The following KALRN variants were observed in gnomAD, a reference collection of about 807,000 sequenced individuals.
The protein encoded by KALRN is kalirin.
A neutral mutation model predicts 353.7 loss-of-function variants in KALRN; 70 were observed. That is an observed-to-expected ratio of 0.20 (90% CI 0.16 to 0.24). The LOEUF (loss-of-function observed/expected upper bound fraction) is 0.24, where lower values mean the gene tolerates loss of function less well. Ranked by LOEUF, KALRN falls within the 10% of genes least tolerant of loss-of-function variation. The probability of loss-of-function intolerance (pLI) is 1.00; values close to 1 mark genes in which losing one functional copy is unlikely to be tolerated. For missense variants in KALRN, 2,791 were observed against 3,756.7 expected (o/e 0.74, Z 6.72); for synonymous variants, 1,391 against 1,434.8 (o/e 0.97, Z 0.69).
In KALRN at chr3:124,469,120, T is replaced by C. The variant is rs1399595488; in HGVS notation, c.4032-5543T>C. ...TTTTATTTTAACATTAAACTTGGTA[T>C]ATATCTATGCAAATAACTTTATTCA... On this transcript the variant is annotated intron_variant, in intron 25 of 59. Coordinates refer to ENST00000682506, the MANE Select transcript of KALRN (RefSeq NM_001388419.1). 2.6e-5 allele frequency among the ~76,000 whole-genome samples: 4 copies of C among 152,250 alleles called. No homozygotes were observed. The South Asian group carries it at 6.2e-4, about 24-fold the overall frequency.
intron 1 of KALRN, among the ~76,000 whole-genome samples, chr3:124,227,607 C>A (rs115369107): frequency 2.6e-3 from 380 of 145,208 alleles, no homozygotes; most frequent in African/African-American, 9.4e-3. Flanking sequence ...ACTAGAGGTA[C>A]GAACATGATT....
rs2073820755 is a variant in KALRN at position 124,268,480 on chromosome 3, G to A, written c.457-263G>A. Reference sequence around the variant, plus strand: ...AGGAGGAGGGAAAATGAGGAGAGGAGGGACACAAAAGCAGTTCTTCTGGGG... The same window carrying A: ...AGGAGGAGGGAAAATGAGGAGAGGAAGGACACAAAAGCAGTTCTTCTGGGG... On this transcript the variant is annotated intron_variant, in intron 4 of 59. Coordinates refer to ENST00000682506, the MANE Select transcript of KALRN (RefSeq NM_001388419.1). 4 of 480,490 alleles carry A rather than the reference G, an allele frequency of 8.3e-6. No homozygotes were observed. In the East Asian group the frequency reaches 1.1e-4, roughly 13 times the overall value. 29.8% of individuals were successfully genotyped at this position (480,490 alleles called of 1,614,324 possible).
chr3:124,666,588 G>GGAA lies in KALRN; in HGVS notation c.6487_6489dup (p.Lys2163dup), dbSNP rs753807490. ...ATTGTCATCTTCAGTGAACTGCTCA[G>GGAA]GAAGGGATCCCTCACCCCTGGCTAC... On this transcript the variant is annotated inframe_insertion, in exon 46 of 60. Coordinates refer to ENST00000682506, the MANE Select transcript of KALRN (RefSeq NM_001388419.1). 6.2e-7 allele frequency: 1 copy of GGAA among 1,613,994 alleles called. No homozygotes were observed. Among genetic ancestry groups the GGAA allele is most frequent in the Non-Finnish European group, 8.5e-7 (1 of 1,179,988 alleles).
intron 48 of KALRN, 119 bp downstream of exon 48, chr3:124,672,017 C>T: frequency 1.3e-6 from 1 of 767,932 alleles, no homozygotes; most frequent in Admixed American, 2.2e-5. Flanking sequence ...GGCACCATCT[C>T]AGCTCACTGC....
At chr3:124,584,923 G>A (rs974957659) in intron 34 of KALRN, 1 of 1,587,528 alleles carries the variant, frequency 6.3e-7, no homozygotes, top group Admixed American at 1.8e-5. Context: ...GGCTGTCGGC[G>A]GCCTTGGTGC....
At chr3:124,528,503 A>G (rs548355194) in intron 33 of KALRN, among the ~76,000 whole-genome samples, 1 of 152,244 alleles carries the variant, frequency 6.6e-6, no homozygotes, top group Admixed American at 6.5e-5. Context: ...CTCGAGAGTT[A>G]AGGAGAACCT....
intron 3 of KALRN, among the ~76,000 whole-genome samples, chr3:124,247,227 A>G (rs2070417282): frequency 6.6e-6 from 1 of 152,126 alleles, no homozygotes; most frequent in Admixed American, 6.6e-5. Flanking sequence ...GAAGACATAG[A>G]TGGGTTTTGT....
intron 37 of KALRN, among the ~76,000 whole-genome samples, chr3:124,639,339 A>G (rs2081746198): frequency 6.6e-6 from 1 of 152,180 alleles, no homozygotes; most frequent in Non-Finnish European, 1.5e-5. Flanking sequence ...GACAGCTCTT[A>G]AGCAGCTCTG....
chr3:124,580,705 A>G (rs1306875464), intron 34 of KALRN, among the ~76,000 whole-genome samples: 1 of 152,188 alleles, frequency 6.6e-6, no homozygotes, highest in Non-Finnish European at 1.5e-5. Context: ...TTGTTCACCA[A>G]TGTAGACCCA....
chr3:124,337,419 G>A (rs889819002), intron 9 of KALRN, among the ~76,000 whole-genome samples: 1 of 152,172 alleles, frequency 6.6e-6, no homozygotes, highest in Non-Finnish European at 1.5e-5. Context: ...TTTTGTCATT[G>A]ATTCTGTTTA....
At chr3:124,701,255 G>C (rs2173852) in intron 56 of KALRN, among the ~76,000 whole-genome samples, 26,807 of 152,218 alleles carry the variant, frequency 0.18, 2,649 homozygotes, top group Middle Eastern at 0.28. Flanking sequence ...CATCACACAA[G>C]GTAATACTGC....
intron 59 of KALRN, 145 bp downstream of exon 59, chr3:124,717,530 CA>C: frequency 2.1e-6 from 1 of 476,000 alleles, no homozygotes; most frequent in Non-Finnish European, 3.6e-6. Context: ...ACTAAAAATA[CA>C]AAAAATACAA....
chr3:124,566,938 A>G (rs2072915325), intron 34 of KALRN, among the ~76,000 whole-genome samples: 1 of 152,196 alleles, frequency 6.6e-6, no homozygotes, highest in Non-Finnish European at 1.5e-5. Flanking sequence ...GCACTCTTGC[A>G]GGCTGTGTGA....
intron 11 of KALRN, among the ~76,000 whole-genome samples, chr3:124,392,856 A>G (rs940938294): frequency 1.8e-4 from 27 of 151,802 alleles, no homozygotes; most frequent in Non-Finnish European, 2.5e-4. Flanking sequence ...TTACATATGT[A>G]TACATGTGCC....
rs568097074 is a variant in KALRN at position 124,249,274 on chromosome 3, AG to A, written c.263+14333del. On this transcript the variant is annotated intron_variant, in intron 3 of 59. Coordinates refer to ENST00000682506, the MANE Select transcript of KALRN (RefSeq NM_001388419.1). ...CTTCAGGAGGTTTGTGGTCTGGTTAAGGTTTCAGAATCCACAGGAGAAGACA... is the reference window on the plus strand; with the variant it reads ...CTTCAGGAGGTTTGTGGTCTGGTTAAGTTTCAGAATCCACAGGAGAAGACA... 2.4e-4 allele frequency among the ~76,000 whole-genome samples: 36 copies of A among 152,310 alleles called. No individual in the cohort carries two copies. In the South Asian group the frequency reaches 7.5e-3, roughly 32 times the overall value.
intron 1 of KALRN, among the ~76,000 whole-genome samples, chr3:124,111,735 TA>T (rs1355014922): frequency 6.6e-6 from 1 of 152,312 alleles, no homozygotes; most frequent in African/African-American, 2.4e-5. Context: ...ACACACTTTG[TA>T]ACTTAAAAAC....
At chr3:124,056,479 G>T (rs2041551440) in intron 1 of KALRN, among the ~76,000 whole-genome samples, 2 of 152,270 alleles carry the variant, frequency 1.3e-5, no homozygotes, top group Non-Finnish European at 1.5e-5. Flanking sequence ...ACCTCTCTGG[G>T]CCTGAGTTTC....
intron 5 of KALRN, among the ~76,000 whole-genome samples, chr3:124,277,509 C>T (rs986755154): frequency 6.6e-5 from 10 of 152,178 alleles, no homozygotes; most frequent in African/African-American, 2.4e-4. Flanking sequence ...TCCCCTTGAA[C>T]ATTAGAAACA....
intron 1 of KALRN, among the ~76,000 whole-genome samples, chr3:124,159,445 T>G (rs1349897082): frequency 6.6e-6 from 1 of 152,100 alleles, no homozygotes; most frequent in Non-Finnish European, 1.5e-5. Context: ...CCATTTTTTG[T>G]ATTTTTTGTA....
Sources: gnomAD v4.1 joint callset for allele counts (sites outside exome capture counted in the v4.1 genomes callset) on GRCh38, gnomAD v4.1.1 for gene constraint, MANE v1.5 for transcripts, NCBI Gene and HGNC (gene_info 2026-07-23, HGNC 2026-07-21) for gene names.